ABCC11: variants seen among roughly 807,000 people sequenced by gnomAD.
The protein encoded by ABCC11 is ATP binding cassette subfamily C member 11.
ABCC11 carries 135 observed loss-of-function variants against 149.3 expected under a neutral mutation model. That is an observed-to-expected ratio of 0.90 (90% CI 0.79 to 1.04). The LOEUF is 1.04. Ranked by LOEUF, ABCC11 falls within the 50% of genes least tolerant of loss-of-function variation. The pLI, the probability that ABCC11 is intolerant of heterozygous loss-of-function variation, is 0.00. For missense variants in ABCC11, 1,680 were observed against 1,722.1 expected (o/e 0.98, Z 0.43); for synonymous variants, 665 against 671.4 (o/e 0.99, Z 0.15).
At chr16:48,187,549 C>T (rs987598297) in intron 20 of ABCC11, 122 bp from the exon 21 acceptor site, 11 of 746,678 alleles carry the variant, frequency 1.5e-5, no homozygotes, top group Middle Eastern at 3.8e-4. Context: ...CCAGGGCAGG[C>T]AATGTAGAGC....
chr16:48,188,463 G>A (rs1012967908), intron 20 of ABCC11, among the ~76,000 whole-genome samples: 1 of 152,200 alleles, frequency 6.6e-6, no homozygotes, highest in Admixed American at 6.5e-5. Flanking sequence ...GGTTGCACAC[G>A]ATTTGGACCC....
Position 48,175,267 on chromosome 16 carries a change from C to T in ABCC11, c.3689G>A (p.Gly1230Glu), listed in dbSNP as rs141466191. The change falls in exon 26 of 30, where the codon GGA becomes GAA. Residue 1230 changes from glycine to glutamate, a missense_variant. Coordinates refer to ENST00000356608, the MANE Select transcript of ABCC11 (RefSeq NM_001370497.1). ...CTGGCCCGGCACTCACCTGATGGTT[C>T]CTGAGAGCAGCACTGGATCTTGAGG... Reference protein sequence around the residue: ...VIPQDPVLLSGTIRFNLDPFD... With the variant: ...VIPQDPVLLSETIRFNLDPFD... 2,216 of 1,611,344 alleles carry T rather than the reference C, an allele frequency of 1.4e-3. 26 individuals are homozygous for T. In the African/African-American group the frequency reaches 0.026, roughly 19 times the overall value.
chr16:48,207,541 C>T (rs1228387517), intron 12 of ABCC11, among the ~76,000 whole-genome samples: 1 of 152,046 alleles, frequency 6.6e-6, no homozygotes, highest in Admixed American at 6.5e-5. Flanking sequence ...GTGGCGCATG[C>T]CTGTAGTCCC....
Position 48,214,880 on chromosome 16 carries a change from C to T in ABCC11, c.1248+1G>A. 1 of 1,614,146 alleles carries T rather than the reference C, an allele frequency of 6.2e-7. No individual in the cohort carries two copies. Among genetic ancestry groups the T allele is most frequent in the Non-Finnish European group, 8.5e-7 (1 of 1,180,022 alleles). On this transcript the variant is annotated splice_donor_variant, in intron 9 of 29. Transcript: ENST00000356608. LOFTEE classifies it high-confidence loss of function. ...GAAAACAAAGCCCCCCAAACCCTTA[C>T]CATTGACGCTGTGAGTTTCAGCTTT...
chr16:48,172,355 C>T lies in ABCC11; in HGVS notation c.3699-1388G>A, dbSNP rs1052704382. The stretch of plus-strand genomic sequence containing the variant: ...CTAGTGTACACATATGGGTTGAAGT[C>T]TCTGCTTTCAACACTTTGGGATATA... On this transcript the variant is annotated intron_variant, in intron 26 of 29. Coordinates refer to ENST00000356608, the MANE Select transcript of ABCC11 (RefSeq NM_001370497.1). Among the ~76,000 whole-genome samples, 3 of 152,060 alleles carry T rather than the reference C, an allele frequency of 2.0e-5. No individual in the cohort carries two copies. The South Asian group carries it at 6.2e-4, about 32-fold the overall frequency.
At chr16:48,227,700 G>C (rs1283632215) in intron 4 of ABCC11, 106 bp downstream of exon 4, 2 of 1,477,928 alleles carry the variant, frequency 1.4e-6, no homozygotes, top group African/African-American at 2.8e-5. Flanking sequence ...GAAGAGCCAA[G>C]TCGTCTGGCA....
intron 19 of ABCC11, 141 bp downstream of exon 19, chr16:48,193,738 G>A (rs1284678434): frequency 9.3e-6 from 6 of 647,130 alleles, no homozygotes; most frequent in Admixed American, 3.0e-5. Context: ...GGCTCCCCAC[G>A]GTTCTCTCTG....
intron 13 of ABCC11, among the ~76,000 whole-genome samples, chr16:48,205,008 C>T (rs1264470487): frequency 6.6e-6 from 1 of 152,156 alleles, no homozygotes; most frequent in Non-Finnish European, 1.5e-5. Flanking sequence ...AGAACCTCAT[C>T]GCTCCCATTT....
chr16:48,214,807 G>T, intron 9 of ABCC11, 74 bp downstream of exon 9: 5 of 1,574,874 alleles, frequency 3.2e-6, no homozygotes, highest in Non-Finnish European at 2.6e-6. Flanking sequence ...CCTTTGAGGG[G>T]CATGGCTAAA....
At chr16:48,237,787 T>C (rs1970760284) in intron 1 of ABCC11, among the ~76,000 whole-genome samples, 1 of 152,142 alleles carries the variant, frequency 6.6e-6, no homozygotes, top group African/African-American at 2.4e-5. Flanking sequence ...CTAAATTCAT[T>C]CTAGCCACAG....
chr16:48,187,397 T>G lies in ABCC11; in HGVS notation c.2737A>C (p.Thr913Pro), dbSNP rs1243073216. 9 of 1,613,834 alleles carry G rather than the reference T, an allele frequency of 5.6e-6. No homozygotes were observed. The highest frequency in any genetic ancestry group is 7.6e-6 in the Non-Finnish European group (9 of 1,179,872). ...VFRCPMSFFDTIPIGRLLNCF... is the reference protein window; with the variant it reads ...VFRCPMSFFDPIPIGRLLNCF... The stretch of plus-strand genomic sequence containing the variant: ...TTCAAAAGCCGGCCTATTGGGATGG[T>G]GTCAAAGAAACTCATGGGGCAGCGG... Residue 913 changes from threonine to proline, a missense_variant, in exon 21 of 30, where the codon ACC becomes CCC. Coordinates refer to ENST00000356608, the MANE Select transcript of ABCC11 (RefSeq NM_001370497.1).
At chr16:48,219,049 A>G (rs1969544857) in intron 6 of ABCC11, among the ~76,000 whole-genome samples, 1 of 152,172 alleles carries the variant, frequency 6.6e-6, no homozygotes, top group East Asian at 1.9e-4. Context: ...TATTGGCAAA[A>G]CCAAGAGGAG....
intron 6 of ABCC11, among the ~76,000 whole-genome samples, chr16:48,217,224 C>A (rs28505535): frequency 0.14 from 21,657 of 151,884 alleles, 2,032 homozygotes; most frequent in African/African-American, 0.27. Flanking sequence ...CATTCTACTA[C>A]TAATAATAAT....
In ABCC11 at chr16:48,177,087, G is replaced by T; in HGVS notation, c.3375C>A (p.His1125Gln). The T allele has an allele frequency of 6.2e-7, 1 of 1,612,414 alleles. No individual in the cohort carries two copies. The highest frequency in any genetic ancestry group is 2.2e-5 in the East Asian group (1 of 44,862). The change falls in exon 25 of 30, where the codon CAC (histidine) becomes CAA (glutamine). Residue 1125 changes from histidine to glutamine, a missense_variant. Transcript: ENST00000356608. ...MKMCVSEAPL[H>Q]MEGTSCPQGW... The stretch of plus-strand genomic sequence containing the variant: ...CCTGGGGACAACTTGTGCCTTCCAT[G>T]TGTAAAGGAGCTTCCGAGACACACA...
intron 20 of ABCC11, 62 bp from the exon 21 acceptor site, chr16:48,187,489 G>T: frequency 7.2e-7 from 1 of 1,393,664 alleles, no homozygotes; most frequent in Non-Finnish European, 9.9e-7. Context: ...AAGATTGGAT[G>T]AAGATGCCTG....
chr16:48,241,135 C>T (rs554908442), intron 1 of ABCC11, among the ~76,000 whole-genome samples: 1 of 152,260 alleles, frequency 6.6e-6, no homozygotes, highest in South Asian at 2.1e-4. Context: ...GGGATTTCAC[C>T]ATGTTAGCCA....
chr16:48,181,753 G>A (rs548083106), intron 23 of ABCC11, among the ~76,000 whole-genome samples: 2 of 152,268 alleles, frequency 1.3e-5, no homozygotes, highest in Admixed American at 6.5e-5. Context: ...TGGGACTATA[G>A]GCACCTGCCA....
rs144986317 is a variant in ABCC11, at chr16:48,193,955, A to C, written c.2432T>G (p.Phe811Cys). The change falls in exon 19 of 30, where the codon TTC (phenylalanine) becomes TGC (cysteine). Residue 811 changes from phenylalanine to cysteine, a missense_variant. By Grantham distance (205) the Phe-to-Cys change is radical. Coordinates refer to ENST00000356608, the MANE Select transcript of ABCC11 (RefSeq NM_001370497.1). ...TAAGAAGACGATCAGCACCACGAAG[A>C]AGAAAATTATGCAAGAGACCATGTA... ...GGYMVSCIIF[F>C]FVVLIVFLTI... is the part of the protein sequence containing the mutation. 1.9e-6 allele frequency: 3 copies of C among 1,613,788 alleles called. No homozygotes were observed. Among genetic ancestry groups the C allele is most frequent in the Non-Finnish European group, 2.5e-6 (3 of 1,179,700 alleles).
chr16:48,244,147 G>C, intron 1 of ABCC11: 1 of 448,602 alleles, frequency 2.2e-6, no homozygotes. Context: ...TGTAAGTGAG[G>C]CGAAGGTCGC....
Sources: gnomAD v4.1 joint callset for allele counts (sites outside exome capture counted in the v4.1 genomes callset) on GRCh38, gnomAD v4.1.1 for gene constraint, MANE v1.5 for transcripts, NCBI Gene and HGNC (gene_info 2026-07-23, HGNC 2026-07-21) for gene names.